The following AP5S1 variants were observed in gnomAD, a reference collection of about 807,000 sequenced individuals.
The protein encoded by AP5S1 is adaptor related protein complex 5 subunit sigma 1.
Under a neutral mutation model 13.9 loss-of-function variants are expected in AP5S1, and 13 were observed. The ratio of observed to expected loss-of-function variants is 0.94; its 90% CI spans 0.61 to 1.49. The LOEUF is 1.49. Ranked by LOEUF, AP5S1 falls within the 40% of genes most tolerant of loss-of-function variation. AP5S1 has a pLI of 0.00. For missense variants in AP5S1, 292 were observed against 272.3 expected, an observed-to-expected ratio of 1.07 and a Z score of -0.51; for synonymous variants, 132 against 121.8, an observed-to-expected ratio of 1.08 and a Z score of -0.55.
intron 1 of AP5S1, among the ~76,000 whole-genome samples, chr20:3,821,434 G>A (rs182385251): frequency 8.9e-4 from 136 of 152,026 alleles, no homozygotes; most frequent in Non-Finnish European, 1.6e-3. Flanking sequence ...GTGCAGTGGT[G>A]CGATCTCGGC....
At chr20:3,821,865 GTTTTTCT>G (rs1457574536) in intron 1 of AP5S1, 29 of 941,910 alleles carry the variant, frequency 3.1e-5, no homozygotes, top group Non-Finnish European at 3.4e-5. Flanking sequence ...TTGTTTGTTT[GTTTTTCT>G]TTTTTCTTTT....
At chr20:3,821,567 C>G (rs530641119) in intron 1 of AP5S1, among the ~76,000 whole-genome samples, 1 of 152,204 alleles carries the variant, frequency 6.6e-6, no homozygotes, top group South Asian at 2.1e-4. Context: ...GAGGTTTCAC[C>G]ATGTTGGCAG....
intron 1 of AP5S1, 70 bp from the exon 2 acceptor site, chr20:3,822,032 C>T: frequency 1.3e-6 from 2 of 1,528,438 alleles, no homozygotes; most frequent in South Asian, 1.2e-5. Flanking sequence ...GCCAGGTCAG[C>T]CCCTTCCTGT....
Position 3,822,100 on chromosome 20 carries a change from A to G in AP5S1, c.-16-2A>G. On this transcript the variant is annotated splice_acceptor_variant, in intron 1 of 2. Transcript: ENST00000615891. LOFTEE classifies it low-confidence loss of function (5UTR_SPLICE). The stretch of plus-strand genomic sequence containing the variant: ...TTACCAATGTCTCTGGCTTCCCTGT[A>G]GCACCCACCCTGGAGCCATGGTCCA... 1.9e-6 allele frequency: 3 copies of G among 1,610,618 alleles called. No homozygotes were observed. The highest frequency in any genetic ancestry group is 1.7e-6 in the Non-Finnish European group (2 of 1,178,132).
At chr20:3,822,891 G>T (rs1396488613) in intron 2 of AP5S1, among the ~76,000 whole-genome samples, 1 of 152,182 alleles carries the variant, frequency 6.6e-6, no homozygotes, top group Non-Finnish European at 1.5e-5. Context: ...GACTAGGGTG[G>T]CTAGCCTTGG....
rs760544175 is a variant in AP5S1, at chr20:3,824,018, G to A, written c.324G>A (p.Glu108=). 6.2e-7 allele frequency: 1 copy of A among 1,613,652 alleles called. No homozygotes were observed. Among genetic ancestry groups the A allele is most frequent in the East Asian group, 2.2e-5 (1 of 44,884 alleles). The part of the protein sequence containing the change: ...FRLAAENPFQ[E]PRTVVWLGVL... ...TGGCAGCAGAGAACCCTTTCCAGGA[G>A]CCACGGACGGTGGTGTGGCTGGGCG... Residue 108 remains glutamate (E), a synonymous_variant, in exon 3 of 3, where the codon GAG becomes GAA. Coordinates refer to ENST00000615891, the MANE Select transcript of AP5S1 (RefSeq NM_018347.3).
chr20:3,821,893 T>A, intron 1 of AP5S1: 1 of 964,218 alleles, frequency 1.0e-6, no homozygotes, highest in Non-Finnish European at 1.2e-6. Flanking sequence ...TTTTTTTTTT[T>A]AGTTTATGCC....
In AP5S1 at chr20:3,824,327, A is replaced by G; in HGVS notation, c.*30A>G. ...TCGTTGGGATGGTGCTTCTGAGGGC[A>G]GGCAGAGGGTAGACACACAGCCAGA... On this transcript the variant is annotated 3_prime_UTR_variant, in exon 3 of 3. Coordinates refer to ENST00000615891, the MANE Select transcript of AP5S1 (RefSeq NM_018347.3). The G allele has an allele frequency of 1.9e-6, 3 of 1,588,642 alleles. No individual in the cohort carries two copies. Among genetic ancestry groups the G allele is most frequent in the Non-Finnish European group, 2.6e-6 (3 of 1,163,432 alleles).
Position 3,822,082 on chromosome 20 carries a change from T to C in AP5S1, c.-16-20T>C. The C allele has an allele frequency of 1.2e-6, 2 of 1,605,152 alleles. No individual in the cohort carries two copies. Among genetic ancestry groups the C allele is most frequent in the Admixed American group, 1.7e-5 (1 of 59,774 alleles). On this transcript the variant is annotated intron_variant, in intron 1 of 2. Coordinates refer to ENST00000615891, the MANE Select transcript of AP5S1 (RefSeq NM_018347.3). ...CTGGGGTTCACTCTCACCTTACCAA[T>C]GTCTCTGGCTTCCCTGTAGCACCCA...
chr20:3,822,412 A>G (rs897321910), intron 2 of AP5S1, 119 bp downstream of exon 2: 4 of 947,514 alleles, frequency 4.2e-6, no homozygotes, highest in Non-Finnish European at 6.4e-6. Flanking sequence ...GAAGTTTTAG[A>G]GTAGCATTTC....
Position 3,823,303 on chromosome 20 carries a change from C to T in AP5S1, c.177-568C>T, listed in dbSNP as rs527806075. Among the ~76,000 whole-genome samples the T allele has an allele frequency of 2.3e-4, 35 of 152,242 alleles. No homozygotes were observed. In the East Asian group the frequency reaches 6.6e-3, roughly 29 times the overall value. On this transcript the variant is annotated intron_variant, in intron 2 of 2. Transcript: ENST00000615891. Reference sequence around the variant, plus strand: ...TTGCTCTGTCGCCCAGGCTGGAGTGCAGTGGCGCAATCTTGGCTCACTGCA... The same window carrying T: ...TTGCTCTGTCGCCCAGGCTGGAGTGTAGTGGCGCAATCTTGGCTCACTGCA...
At position 3,828,064 on chromosome 20, in the gene AP5S1, A is replaced by G. The variant is rs932398262; in HGVS notation, c.*3767A>G. 1.6e-4 allele frequency: 25 copies of G among 152,082 alleles called. No individual in the cohort carries two copies. Among genetic ancestry groups the G allele is most frequent in the African/African-American group, 5.8e-4 (24 of 41,402 alleles). The allele number at this position is 152,082 out of a possible 1,614,324, so 9.4% of individuals were successfully genotyped here. ...GGTGTGAGCCACCATGCCTGGCCTC[A>G]ATCTTTTCTTTTAAACAATTATTCC... On this transcript the variant is annotated 3_prime_UTR_variant, in exon 3 of 3. Coordinates refer to ENST00000615891, the MANE Select transcript of AP5S1 (RefSeq NM_018347.3).
In AP5S1 at chr20:3,823,922, C is replaced by G; in HGVS notation, c.228C>G (p.Pro76=). ...AGCAGCAGGCATCTGGCCGGCCCCC[C>G]ATGGACCTGCAGCCGCAATCCTCAG... is the stretch of plus-strand genomic sequence containing the variant. ...RLQQQASGRP[P]MDLQPQSSDE... is the part of the protein sequence containing the mutation. The change falls in exon 3 of 3, where the codon CCC becomes CCG. Residue 76 remains proline (P), a synonymous_variant. Coordinates refer to ENST00000615891, the MANE Select transcript of AP5S1 (RefSeq NM_018347.3). The G allele has an allele frequency of 6.2e-7, 1 of 1,604,698 alleles. No individual in the cohort carries two copies. The highest frequency in any genetic ancestry group is 8.5e-7 in the Non-Finnish European group (1 of 1,179,822).
intron 2 of AP5S1, chr20:3,823,644 G>A (rs2089600759): frequency 1.0e-6 from 1 of 985,312 alleles, no homozygotes; most frequent in African/African-American, 1.7e-5. Context: ...AGCCCAAGGA[G>A]CTGGGTTGAA....
intron 2 of AP5S1, 128 bp from the exon 3 acceptor site, chr20:3,823,743 G>T (rs531789182): frequency 8.7e-6 from 13 of 1,491,402 alleles, no homozygotes; most frequent in Non-Finnish European, 1.2e-5. Context: ...AGATCACTTA[G>T]TCTCTCTAGG....
chr20:3,821,849 TTTTG>T lies in AP5S1; in HGVS notation c.-16-237_-16-234del, dbSNP rs369605203. ...TAGGTTTAGGGTGGTCTGAGATTTTTTTTGTTTGTTTGTTTGTTTTTCTTTTTTC... is the reference window on the plus strand; with the variant it reads ...TAGGTTTAGGGTGGTCTGAGATTTTTTTTGTTTGTTTGTTTTTCTTTTTTC... On this transcript the variant is annotated intron_variant, in intron 1 of 2. Transcript: ENST00000615891. 976 of 920,964 alleles carry T rather than the reference TTTTG, an allele frequency of 1.1e-3. 2 individuals carry two copies. In the East Asian group the frequency reaches 0.017, roughly 16 times the overall value. 57.0% of individuals were successfully genotyped at this position (920,964 alleles called of 1,614,324 possible).
At chr20:3,822,754 G>A (rs1263792622) in intron 2 of AP5S1, among the ~76,000 whole-genome samples, 2 of 152,204 alleles carry the variant, frequency 1.3e-5, no homozygotes. Flanking sequence ...GCTTTTCAGT[G>A]CAGTACTTAA....
chr20:3,824,119 T>A lies in AP5S1; in HGVS notation c.425T>A (p.Leu142Gln). 1 of 1,614,046 alleles carries A rather than the reference T, an allele frequency of 6.2e-7. No homozygotes were observed. Among genetic ancestry groups the A allele is most frequent in the South Asian group, 1.1e-5 (1 of 91,078 alleles). Residue 142 changes from leucine to glutamine, a missense_variant, in exon 3 of 3, where the codon CTG becomes CAG. Transcript: ENST00000615891. ...LLLAEGTLRL[L>Q]TRLLLDHLRL... is the part of the protein sequence containing the mutation. ...CTGGCTGAGGGCACGCTCCGGCTGC[T>A]GACACGCCTCCTCCTTGACCACCTC...
chr20:3,823,555 C>T (rs967842431), intron 2 of AP5S1: 10 of 985,272 alleles, frequency 1.0e-5, no homozygotes, highest in East Asian at 1.1e-4. Context: ...CTGGCCAAGC[C>T]GCTTCCCTTT....
Sources: allele counts gnomAD v4.1 joint callset (sites outside exome capture counted in the v4.1 genomes callset), GRCh38; gene constraint gnomAD v4.1.1; transcripts MANE v1.5; gene names NCBI Gene and HGNC (gene_info 2026-07-23, HGNC 2026-07-21).